SLC6A15: variants seen among roughly 807,000 people sequenced by gnomAD.
The protein encoded by SLC6A15 is solute carrier family 6 member 15.
A neutral mutation model predicts 68.5 loss-of-function variants in SLC6A15; 33 were observed. That is an observed-to-expected ratio of 0.48 (90% CI 0.37 to 0.64). The LOEUF (loss-of-function observed/expected upper bound fraction) is 0.64. Among genes scored for constraint, SLC6A15 ranks in the 30% least tolerant of loss-of-function variants. SLC6A15 has a pLI of 0.00. For missense variants in SLC6A15, 747 were observed against 874.3 expected (o/e 0.85, Z 1.84); for synonymous variants, 347 against 301.0 (o/e 1.15, Z -1.58).
chr12:84,886,868 T>G (rs531817866), intron 2 of SLC6A15, among the ~76,000 whole-genome samples: 1 of 152,312 alleles, frequency 6.6e-6, no homozygotes, highest in East Asian at 1.9e-4. Context: ...ACCTAAATAG[T>G]TTGACAATGT....
At chr12:84,880,786 A>C (rs1424263611) in intron 5 of SLC6A15, 4 of 522,678 alleles carry the variant, frequency 7.7e-6, no homozygotes, top group Non-Finnish European at 9.8e-6. Context: ...ATCTTTCAAA[A>C]GATTGTATAA....
Position 84,891,975 on chromosome 12 carries a change from G to T in SLC6A15, c.146C>A (p.Thr49Lys). 1 of 1,613,868 alleles carries T rather than the reference G, an allele frequency of 6.2e-7. No homozygotes were observed. The highest frequency in any genetic ancestry group is 8.5e-7 in the Non-Finnish European group (1 of 1,179,960). The change falls in exon 2 of 12, where the codon ACA (threonine) becomes AAA (lysine). Residue 49 changes from threonine to lysine, a missense_variant. Physicochemically the swap from Thr to Lys is moderately conservative, Grantham distance 78. Transcript: ENST00000266682. ...GACTTCAGATCCTTCTTCAACATCT[G>T]TATCTTTCTCTTCCTGGCCATCAAC... ...LIVDGQEEKDTDVEEGSEVED... is the reference protein window; with the variant it reads ...LIVDGQEEKDKDVEEGSEVED...
chr12:84,881,984 A>T (rs1467714380), intron 5 of SLC6A15: 1 of 981,618 alleles, frequency 1.0e-6, no homozygotes, highest in African/African-American at 1.7e-5. Flanking sequence ...TCTCATTAAA[A>T]TAATAAATGT....
intron 5 of SLC6A15, chr12:84,883,136 A>T: frequency 2.0e-6 from 2 of 982,514 alleles, no homozygotes; most frequent in Non-Finnish European, 2.4e-6. Flanking sequence ...GCTTTAGAAC[A>T]ATGGCTGTGA....
intron 9 of SLC6A15, among the ~76,000 whole-genome samples, chr12:84,868,708 C>T (rs1031737378): frequency 6.6e-6 from 1 of 152,048 alleles, no homozygotes; most frequent in African/African-American, 2.4e-5. Flanking sequence ...AGTATGATCC[C>T]AAAAAACAAG....
chr12:84,886,225 A>C (rs1565727616), intron 2 of SLC6A15, among the ~76,000 whole-genome samples, 157 bp from the exon 3 acceptor site: 1 of 152,160 alleles, frequency 6.6e-6, no homozygotes, highest in African/African-American at 2.4e-5. Context: ...CACTTTCTAG[A>C]TTCTGAAACT....
chr12:84,860,584 T>C lies in SLC6A15; in HGVS notation c.*1048A>G, dbSNP rs530622365. ...GTTTAGTTATTATGAAATGTCTAAG[T>C]GCTGACTGAAATGAAAGACAATCCA... On this transcript the variant is annotated 3_prime_UTR_variant, in exon 12 of 12. Transcript: ENST00000266682. 15 of 152,202 alleles carry C rather than the reference T, an allele frequency of 9.9e-5. No individual in the cohort carries two copies. The highest frequency in any genetic ancestry group is 3.6e-4 in the African/African-American group (15 of 41,550). 9.4% of individuals were successfully genotyped at this position (152,202 alleles called of 1,614,324 possible).
chr12:84,890,531 T>C (rs780207394), intron 2 of SLC6A15, among the ~76,000 whole-genome samples: 23 of 152,362 alleles, frequency 1.5e-4, no homozygotes, highest in Admixed American at 4.6e-4. Flanking sequence ...GTGAGGTTAC[T>C]GGCTAGCTAA....
chr12:84,870,444 T>C (rs1205081413), intron 9 of SLC6A15, 34 bp downstream of exon 9: 1 of 1,445,892 alleles, frequency 6.9e-7, no homozygotes, highest in Non-Finnish European at 9.2e-7. Flanking sequence ...TGGCCTGGAT[T>C]TGTTCAATGA....
chr12:84,868,832 C>CT (rs1488110586), intron 9 of SLC6A15, among the ~76,000 whole-genome samples: 1 of 152,078 alleles, frequency 6.6e-6, no homozygotes, highest in Non-Finnish European at 1.5e-5. Flanking sequence ...TTTCCTTAAC[C>CT]TGCAAGCCTT....
At chr12:84,878,663 T>G (rs992546125) in intron 5 of SLC6A15, among the ~76,000 whole-genome samples, 5 of 152,072 alleles carry the variant, frequency 3.3e-5, no homozygotes, top group Admixed American at 6.5e-5. Flanking sequence ...TTATATTTTA[T>G]CTTTATATTT....
chr12:84,860,583 G>A lies in SLC6A15; in HGVS notation c.*1049C>T, dbSNP rs1184150374. ...TGTTTAGTTATTATGAAATGTCTAA[G>A]TGCTGACTGAAATGAAAGACAATCC... is the stretch of plus-strand genomic sequence containing the variant. On this transcript the variant is annotated 3_prime_UTR_variant, in exon 12 of 12. Transcript: ENST00000266682. 6.6e-6 allele frequency: 1 copy of A among 152,068 alleles called. No homozygotes were observed. The highest frequency in any genetic ancestry group is 1.5e-5 in the Non-Finnish European group (1 of 67,994). The allele number at this position is 152,068 out of a possible 1,614,324, so 9.4% of individuals were successfully genotyped here. A position where few individuals can be genotyped will look rare whatever the true frequency, so the allele number is the denominator to read the frequency against.
chr12:84,883,776 C>T (rs1275850052), intron 5 of SLC6A15, 83 bp downstream of exon 5: 2 of 1,613,540 alleles, frequency 1.2e-6, no homozygotes, highest in Non-Finnish European at 8.5e-7. Context: ...GATTTGCCCA[C>T]AGAAATCTGT....
At chr12:84,864,041 T>A (rs1870963873) in intron 10 of SLC6A15, among the ~76,000 whole-genome samples, 1 of 150,826 alleles carries the variant, frequency 6.6e-6, no homozygotes, top group Admixed American at 6.6e-5. Flanking sequence ...TATCAAGGAA[T>A]TATTACTTTT....
chr12:84,888,984 G>A (rs1487329971), intron 2 of SLC6A15, among the ~76,000 whole-genome samples: 2 of 152,078 alleles, frequency 1.3e-5, no homozygotes. Context: ...ACAAAACCTA[G>A]AAAGGTCATC....
At chr12:84,862,052 G>T (rs1870877493) in intron 11 of SLC6A15, 46 bp from the exon 12 acceptor site, 1 of 1,500,816 alleles carries the variant, frequency 6.7e-7, no homozygotes, top group Non-Finnish European at 8.9e-7. Context: ...ATCTTTCTTT[G>T]CACATACATA....
At chr12:84,883,517 T>G in intron 5 of SLC6A15, 3 of 1,278,782 alleles carry the variant, frequency 2.3e-6, no homozygotes, top group Non-Finnish European at 3.0e-6. Flanking sequence ...TTTCCCCAAT[T>G]TCCATAATTT....
intron 10 of SLC6A15, among the ~76,000 whole-genome samples, chr12:84,865,609 C>G (rs78589198): frequency 3.9e-5 from 6 of 152,298 alleles, no homozygotes; most frequent in Admixed American, 1.3e-4. Context: ...CTGTGCTCAG[C>G]GTATACATCC....
rs896737092 is a variant in SLC6A15 at position 84,879,353 on chromosome 12, T to C, written c.757-2746A>G. ...ACTTTCTTTTTTTTTGGAGACCGAG[T>C]CTCACTCTGTCGCCCAGGGTGGAGT... On this transcript the variant is annotated intron_variant, in intron 5 of 11. Coordinates refer to ENST00000266682, the MANE Select transcript of SLC6A15 (RefSeq NM_182767.6). 9.9e-5 allele frequency among the ~76,000 whole-genome samples: 15 copies of C among 151,234 alleles called. 1 individual carries two copies. Among genetic ancestry groups the C allele is most frequent in the Non-Finnish European group, 2.2e-4 (15 of 67,702 alleles).
Sources: allele counts gnomAD v4.1 joint callset (sites outside exome capture counted in the v4.1 genomes callset), GRCh38; gene constraint gnomAD v4.1.1; transcripts MANE v1.5; gene names NCBI Gene and HGNC (gene_info 2026-07-23, HGNC 2026-07-21).